The following MAST4 variants were observed in gnomAD, a reference collection of about 807,000 sequenced individuals.
MAST4 encodes microtubule associated serine/threonine kinase family member 4.
MAST4 carries 89 observed loss-of-function variants against 162.7 expected under a neutral mutation model. The ratio of observed to expected loss-of-function variants is 0.55; its 90% CI spans 0.46 to 0.65. The LOEUF (loss-of-function observed/expected upper bound fraction) is 0.65, where lower values mean the gene tolerates loss of function less well. Among genes scored for constraint, MAST4 ranks in the 30% least tolerant of loss-of-function variants. The probability of loss-of-function intolerance (pLI) is 0.00; values close to 1 mark genes in which losing one functional copy is unlikely to be tolerated. For synonymous variants in MAST4, 1,479 were observed against 1,361.1 expected (o/e 1.09, Z -1.91); for missense variants, 3,153 against 3,374.0 (o/e 0.93, Z 1.62).
intron 4 of MAST4, among the ~76,000 whole-genome samples, chr5:66,943,230 G>A (rs1046197394): frequency 1.3e-5 from 2 of 151,970 alleles, no homozygotes; most frequent in African/African-American, 2.4e-5. Context: ...TTTCATTACC[G>A]GTGAAATGAG....
intron 3 of MAST4, among the ~76,000 whole-genome samples, chr5:66,820,496 C>T (rs991828871): frequency 1.3e-5 from 2 of 152,072 alleles, no homozygotes. Flanking sequence ...ATGGTCCCAG[C>T]GTTAGCTGTG....
intron 4 of MAST4, among the ~76,000 whole-genome samples, chr5:66,931,156 T>C (rs1742150902): frequency 6.6e-6 from 1 of 152,150 alleles, no homozygotes; most frequent in Non-Finnish European, 1.5e-5. Flanking sequence ...CTAAGTAGTA[T>C]CTACTGCTTG....
intron 27 of MAST4, among the ~76,000 whole-genome samples, chr5:67,161,308 C>G (rs1003030628): frequency 6.6e-6 from 1 of 151,748 alleles, no homozygotes; most frequent in African/African-American, 2.4e-5. Context: ...AAACGAAAAG[C>G]CATGTATTAA....
At chr5:66,629,064 A>C (rs893996536) in intron 1 of MAST4, among the ~76,000 whole-genome samples, 15 of 152,226 alleles carry the variant, frequency 9.9e-5, no homozygotes, top group African/African-American at 3.6e-4. Flanking sequence ...TGTCCACTTC[A>C]TGATATTGTC....
chr5:66,770,778 T>C (rs1055100981), intron 2 of MAST4, among the ~76,000 whole-genome samples: 8 of 152,316 alleles, frequency 5.3e-5, no homozygotes, highest in African/African-American at 1.9e-4. Flanking sequence ...ATTAGCAAAT[T>C]GGCACTTCAG....
chr5:66,893,200 T>C (rs1762466988), intron 3 of MAST4, among the ~76,000 whole-genome samples: 1 of 152,096 alleles, frequency 6.6e-6, no homozygotes, highest in Non-Finnish European at 1.5e-5. Context: ...TTTTGTTTTG[T>C]TTTGTTTTTG....
intron 1 of MAST4, chr5:66,737,899 C>T (rs1008351229): frequency 8.5e-5 from 13 of 152,184 alleles, no homozygotes; most frequent in African/African-American, 3.1e-4. Flanking sequence ...TGTACCCTGA[C>T]CTGCCATTTG....
chr5:67,091,864 T>C (rs1326670380), intron 6 of MAST4, among the ~76,000 whole-genome samples: 2 of 152,200 alleles, frequency 1.3e-5, no homozygotes, highest in Non-Finnish European at 2.9e-5. Flanking sequence ...CAGGAGATTA[T>C]CACAGGAGAC....
In MAST4 at chr5:67,055,529, G is replaced by C. The variant is rs1174119119; in HGVS notation, c.763+1037G>C. Among the ~76,000 whole-genome samples, 6 of 152,268 alleles carry C rather than the reference G, an allele frequency of 3.9e-5. No homozygotes were observed. In the East Asian group the frequency reaches 1.2e-3, roughly 29 times the overall value. ...TGGGAGTTGTCTGTTATATTACTGGGGAGAAGAAGGGAGAGAAAAGTAGTT... is the reference window on the plus strand; with the variant it reads ...TGGGAGTTGTCTGTTATATTACTGGCGAGAAGAAGGGAGAGAAAAGTAGTT... On this transcript the variant is annotated intron_variant, in intron 5 of 28. Coordinates refer to ENST00000403625, the MANE Select transcript of MAST4 (RefSeq NM_001164664.2).
rs985417009 is a variant in MAST4, at chr5:66,695,592, G to A, written c.364-64117G>A. On this transcript the variant is annotated intron_variant, in intron 1 of 28. Coordinates refer to ENST00000403625, the MANE Select transcript of MAST4 (RefSeq NM_001164664.2). ...GTTTAATGTGAATAGCATTGAATCTGTAAATTACTTTGGGCAGTATGGCCA... is the reference window on the plus strand; with the variant it reads ...GTTTAATGTGAATAGCATTGAATCTATAAATTACTTTGGGCAGTATGGCCA... 8.5e-5 allele frequency among the ~76,000 whole-genome samples: 13 copies of A among 152,208 alleles called. No homozygotes were observed. The South Asian group carries it at 1.9e-3, about 22-fold the overall frequency.
At chr5:67,108,567 G>A (rs1186900337) in intron 10 of MAST4, among the ~76,000 whole-genome samples, 1 of 152,078 alleles carries the variant, frequency 6.6e-6, no homozygotes, top group African/African-American at 2.4e-5. Flanking sequence ...TGGTTACTAG[G>A]ACCTGTCGTT....
At chr5:67,044,970 C>T (rs756746696) in intron 4 of MAST4, among the ~76,000 whole-genome samples, 1 of 152,158 alleles carries the variant, frequency 6.6e-6, no homozygotes, top group Non-Finnish European at 1.5e-5. Context: ...TTCGTCAGCT[C>T]TTTGTGTTTT....
At chr5:66,614,939 T>C (rs1192554162) in intron 1 of MAST4, among the ~76,000 whole-genome samples, 1 of 152,144 alleles carries the variant, frequency 6.6e-6, no homozygotes, top group Non-Finnish European at 1.5e-5. Context: ...AAATAATCTT[T>C]TTTGGGCTGT....
At chr5:67,078,866 A>T (rs9764275) in intron 5 of MAST4, among the ~76,000 whole-genome samples, 2 of 114,758 alleles carry the variant, frequency 1.7e-5, no homozygotes, top group African/African-American at 7.1e-5. Flanking sequence ...TTATATAAAT[A>T]TATATTTATA....
chr5:66,758,369 AC>A (rs1257441248), intron 1 of MAST4, among the ~76,000 whole-genome samples: 3 of 151,442 alleles, frequency 2.0e-5, no homozygotes, highest in African/African-American at 7.3e-5. Context: ...GTTTTATAGA[AC>A]TATTATTATT....
At chr5:66,694,340 C>T (rs548563713) in intron 1 of MAST4, among the ~76,000 whole-genome samples, 2 of 152,262 alleles carry the variant, frequency 1.3e-5, no homozygotes, top group African/African-American at 2.4e-5. Context: ...AACAGTCCCT[C>T]TCCCTTAGCT....
rs764861026 is a variant in MAST4, at chr5:67,165,846, A to G, written c.6667A>G (p.Lys2223Glu). The G allele has an allele frequency of 6.2e-7, 1 of 1,613,132 alleles. No homozygotes were observed. The highest frequency in any genetic ancestry group is 1.1e-5 in the South Asian group (1 of 91,070). Residue 2223 changes from lysine (K) to glutamate (E), a missense_variant, in exon 29 of 29, where the codon AAG becomes GAG. This residue lies in a region of MAST4 where 1,644 missense variants were observed against 1,495.0 expected (regional missense o/e 1.10). Transcript: ENST00000403625. ...SSQKPSVGAT[K>E]GKEPATQSLG... ...TCAGAAACCAAGTGTCGGGGCCACA[A>G]AGGGCAAAGAGCCTGCCACTCAGTC...
chr5:66,763,137 G>T (rs572152823), intron 2 of MAST4, among the ~76,000 whole-genome samples: 4 of 152,130 alleles, frequency 2.6e-5, no homozygotes, highest in Non-Finnish European at 5.9e-5. Flanking sequence ...CAGAAGGCGA[G>T]GATTTGAACC....
chr5:67,127,656 G>T (rs1017008247), intron 14 of MAST4, among the ~76,000 whole-genome samples: 2 of 152,074 alleles, frequency 1.3e-5, no homozygotes, highest in African/African-American at 2.4e-5. Flanking sequence ...GGATGGCCAA[G>T]TTATTTTCTG....
Sources: allele counts gnomAD v4.1 joint callset (sites outside exome capture counted in the v4.1 genomes callset), GRCh38; gene constraint gnomAD v4.1.1; regional missense constraint gnomAD v4.1.1; transcripts MANE v1.5; gene names NCBI Gene and HGNC (gene_info 2026-07-23, HGNC 2026-07-21).